Variants in STK33 observed in about 807,000 individuals in gnomAD.
The protein encoded by STK33 is serine/threonine kinase 33.
In STK33, 52 loss-of-function variants were observed where a neutral mutation model predicts 58.0. The ratio of observed to expected loss-of-function variants is 0.90; its 90% CI spans 0.72 to 1.13. The LOEUF (loss-of-function observed/expected upper bound fraction) is 1.13. STK33 is among the 50% of genes most tolerant of loss of function. STK33 has a pLI of 0.00. For missense variants in STK33, 630 were observed against 604.2 expected (o/e 1.04, Z -0.45); for synonymous variants, 215 against 200.1 (o/e 1.07, Z -0.63).
rs1306611139 is a variant in STK33 at position 8,473,230 on chromosome 11, C to G, written c.272G>C (p.Trp91Ser). ...NVERKASQQQ[W>S]GRGNFTEGKV... ...TCCTTCTGTAAAGTTGCCCCGACCC[C>G]ATTGTTGCTGAGATGCTTTTCTCTC... The change falls in exon 6 of 16, where the codon TGG becomes TCG. Residue 91 changes from tryptophan to serine, a missense_variant. Trp to Ser is a radical substitution (Grantham distance 177). Coordinates refer to ENST00000687296, the MANE Select transcript of STK33 (RefSeq NM_001352389.2). 1 of 1,613,106 alleles carries G rather than the reference C, an allele frequency of 6.2e-7. No homozygotes were observed. The highest frequency in any genetic ancestry group is 1.7e-5 in the Admixed American group (1 of 59,900).
At chr11:8,565,329 T>C (rs1957376213) in intron 1 of STK33, among the ~76,000 whole-genome samples, 1 of 152,214 alleles carries the variant, frequency 6.6e-6, no homozygotes, top group Non-Finnish European at 1.5e-5. Flanking sequence ...AACTCTCTGC[T>C]TTTGTTGTAA....
At chr11:8,336,784 C>G in the STK33 span, among the ~76,000 whole-genome samples, 3 of 152,250 alleles carry the variant, frequency 2.0e-5, no homozygotes, top group Non-Finnish European at 4.4e-5. Context: ...AGGTGGGAGC[C>G]AGTCTGCCTC....
intron 1 of STK33, among the ~76,000 whole-genome samples, chr11:8,573,739 T>C (rs1478256059): frequency 6.6e-6 from 1 of 152,210 alleles, no homozygotes; most frequent in East Asian, 1.9e-4. Flanking sequence ...CTAAGGACTA[T>C]TACTTAGCAA....
intron 14 of STK33, among the ~76,000 whole-genome samples, chr11:8,417,123 A>G (rs960202984): frequency 6.6e-6 from 1 of 152,070 alleles, no homozygotes; most frequent in Non-Finnish European, 1.5e-5. Context: ...CAGAACACTA[A>G]CCTCTGAACT....
chr11:8,357,007 C>T, the STK33 span, among the ~76,000 whole-genome samples: 4 of 152,188 alleles, frequency 2.6e-5, no homozygotes, highest in Admixed American at 6.5e-5. Context: ...AAGGTGGAGG[C>T]GCTGCCCCGC....
At chr11:8,555,640 G>C (rs1956689007) in intron 1 of STK33, among the ~76,000 whole-genome samples, 2 of 151,902 alleles carry the variant, frequency 1.3e-5, no homozygotes, top group African/African-American at 4.8e-5. Flanking sequence ...ACTCCAGCCT[G>C]GGTGACAGAG....
In STK33 at chr11:8,397,091, G is replaced by A. The variant is rs907844962; in HGVS notation, c.1345-4381C>T. Among the ~76,000 whole-genome samples the A allele has an allele frequency of 2.6e-5, 4 of 152,278 alleles. 1 individual carries two copies. The highest frequency in any genetic ancestry group is 9.6e-5 in the African/African-American group (4 of 41,576). On this transcript the variant is annotated intron_variant, in intron 15 of 15. Transcript: ENST00000687296. Reference sequence around the variant, plus strand: ...ATCCTCTGCAGACTTAAATGTCCCTGTCTGACAGCCTTGAAAAGAGTAGTA... The same window carrying A: ...ATCCTCTGCAGACTTAAATGTCCCTATCTGACAGCCTTGAAAAGAGTAGTA...
At chr11:8,586,213 T>C (rs1263938429) in intron 1 of STK33, among the ~76,000 whole-genome samples, 1 of 110,502 alleles carries the variant, frequency 9.0e-6, no homozygotes, top group Non-Finnish European at 1.7e-5. Context: ...CCAGATCCTA[T>C]CTCGGAAAAA....
At chr11:8,506,873 T>A (rs1951901471) in intron 1 of STK33, among the ~76,000 whole-genome samples, 1 of 152,164 alleles carries the variant, frequency 6.6e-6, no homozygotes, top group African/African-American at 2.4e-5. Context: ...TACATATGTG[T>A]GTGCTTATAA....
Position 8,392,123 on chromosome 11 carries a change from C to T in STK33, c.*387G>A, listed in dbSNP as rs187653578. 6.0e-4 allele frequency: 123 copies of T among 203,680 alleles called. 1 individual carries two copies. The East Asian group carries it at 0.014, about 24-fold the overall frequency. 12.6% of individuals were successfully genotyped at this position (203,680 alleles called of 1,614,324 possible). On this transcript the variant is annotated 3_prime_UTR_variant, in exon 16 of 16. Transcript: ENST00000687296. ...CAAAGTGCACATAATTATTTGGCAC[C>T]TCCATTACTATATTTGGCCTCTTGT...
At chr11:8,358,007 C>G in the STK33 span, among the ~76,000 whole-genome samples, 1 of 152,274 alleles carries the variant, frequency 6.6e-6, no homozygotes, top group African/African-American at 2.4e-5. Flanking sequence ...TCTCTCTGGC[C>G]CCGCCTCCCC....
At chr11:8,537,257 G>A (rs1424364341) in intron 1 of STK33, among the ~76,000 whole-genome samples, 1 of 151,936 alleles carries the variant, frequency 6.6e-6, no homozygotes, top group Non-Finnish European at 1.5e-5. Context: ...TAGGATTACA[G>A]GCATGAGCCA....
intron 11 of STK33, among the ~76,000 whole-genome samples, chr11:8,448,739 T>C (rs1015300303): frequency 1.6e-4 from 25 of 152,172 alleles, no homozygotes; most frequent in African/African-American, 5.8e-4. Context: ...ACTTCATGTC[T>C]AAAACACCAA....
chr11:8,372,934 A>G, the STK33 span, among the ~76,000 whole-genome samples: 1 of 152,208 alleles, frequency 6.6e-6, no homozygotes, highest in African/African-American at 2.4e-5. Context: ...AGGGCTCATC[A>G]AGACCCTAAA....
chr11:8,501,176 A>G (rs1164236107), intron 1 of STK33, among the ~76,000 whole-genome samples: 2 of 152,218 alleles, frequency 1.3e-5, no homozygotes, highest in African/African-American at 4.8e-5. Context: ...ATGAGCAACC[A>G]AAGGAAAAAT....
intron 1 of STK33, among the ~76,000 whole-genome samples, chr11:8,501,718 C>A (rs1229016694): frequency 1.3e-5 from 2 of 152,168 alleles, no homozygotes; most frequent in East Asian, 1.9e-4. Flanking sequence ...CATGTTCACA[C>A]AAAAATGTAC....
At chr11:8,458,796 T>A (rs1371272241) in intron 8 of STK33, among the ~76,000 whole-genome samples, 1 of 152,218 alleles carries the variant, frequency 6.6e-6, no homozygotes, top group Non-Finnish European at 1.5e-5. Flanking sequence ...TTATAACCTA[T>A]GCTGCTAGAT....
chr11:8,591,587 C>T (rs1163394223), intron 1 of STK33, among the ~76,000 whole-genome samples: 2 of 152,068 alleles, frequency 1.3e-5, no homozygotes, highest in Admixed American at 6.6e-5. Flanking sequence ...AAGACAGTGC[C>T]CCCAGCATTC....
chr11:8,455,810 C>CA (rs1156835375), intron 9 of STK33, among the ~76,000 whole-genome samples: 20,471 of 46,958 alleles, frequency 0.44, 5,719 homozygotes, highest in East Asian at 0.64. Context: ...GACTCTGTCT[C>CA]AAAAAAAAAA....
Sources: allele counts gnomAD v4.1 joint callset (sites outside exome capture counted in the v4.1 genomes callset), GRCh38; gene constraint gnomAD v4.1.1; transcripts MANE v1.5; gene names NCBI Gene and HGNC (gene_info 2026-07-23, HGNC 2026-07-21).